Variants in SEMA6D observed in about 807,000 individuals in gnomAD.
SEMA6D encodes semaphorin-6D.
In SEMA6D, 35 loss-of-function variants were observed where a neutral mutation model predicts 106.6. The ratio of observed to expected loss-of-function variants is 0.33; its 90% CI spans 0.25 to 0.44. The LOEUF is 0.44. Among genes scored for constraint, SEMA6D ranks in the 20% least tolerant of loss-of-function variants. SEMA6D has a pLI of 1.00. For missense variants in SEMA6D, 1,185 were observed against 1,345.9 expected, an observed-to-expected ratio of 0.88 and a Z score of 1.87; for synonymous variants, 499 against 487.7, an observed-to-expected ratio of 1.02 and a Z score of -0.31.
chr15:47,547,834 T>C (rs1203366002), intron 3 of SEMA6D, among the ~76,000 whole-genome samples: 2 of 152,132 alleles, frequency 1.3e-5, no homozygotes, highest in African/African-American at 4.8e-5. Context: ...CAAAATGAAG[T>C]CAAGTTGCAG....
At chr15:47,326,720 T>C (rs1298637616) in intron 1 of SEMA6D, among the ~76,000 whole-genome samples, 1 of 152,224 alleles carries the variant, frequency 6.6e-6, no homozygotes, top group Non-Finnish European at 1.5e-5. Context: ...GGCAAGTCAG[T>C]GACTTCCTTA....
At chr15:47,417,669 C>A (rs899184011) in intron 2 of SEMA6D, among the ~76,000 whole-genome samples, 3 of 151,982 alleles carry the variant, frequency 2.0e-5, no homozygotes, top group Non-Finnish European at 4.4e-5. Context: ...TGTCATGGCA[C>A]TACCATGACA....
intron 3 of SEMA6D, among the ~76,000 whole-genome samples, chr15:47,517,184 G>A (rs1167677944): frequency 6.6e-6 from 1 of 152,116 alleles, no homozygotes; most frequent in African/African-American, 2.4e-5. Context: ...TTCCCTGAGA[G>A]GCAGTTGTAT....
intron 4 of SEMA6D, among the ~76,000 whole-genome samples, chr15:47,641,414 T>A (rs750480062): frequency 2.0e-5 from 3 of 152,142 alleles, no homozygotes; most frequent in African/African-American, 4.8e-5. Flanking sequence ...CCTCTCTCTC[T>A]CACACTCTCA....
At chr15:47,259,828 C>G (rs753028873) in intron 1 of SEMA6D, among the ~76,000 whole-genome samples, 6 of 151,876 alleles carry the variant, frequency 4.0e-5, no homozygotes, top group Non-Finnish European at 7.4e-5. Context: ...GATTTTTTGT[C>G]ATTGTCCCAT....
rs141292920 is a variant in SEMA6D, at chr15:47,767,204, G to A, written c.1765+111G>A. On this transcript the variant is annotated intron_variant, in intron 17 of 18. Coordinates refer to ENST00000536845, the MANE Select transcript of SEMA6D (RefSeq NM_001358351.3). ...CAGTTTGGCAGCCCTTCATTTTTCC[G>A]CTTTGACTCATATTCCCACTGATGG... The A allele has an allele frequency of 1.6e-3, 1,061 of 666,012 alleles. 20 individuals are homozygous for A. In the African/African-American group the frequency reaches 0.018, roughly 11 times the overall value. 41.3% of individuals were successfully genotyped at this position (666,012 alleles called of 1,614,324 possible). A position where few individuals can be genotyped will look rare whatever the true frequency, so the allele number is the denominator to read the frequency against.
chr15:47,707,436 A>G (rs1483846211), intron 4 of SEMA6D, among the ~76,000 whole-genome samples: 1 of 152,232 alleles, frequency 6.6e-6, no homozygotes, highest in African/African-American at 2.4e-5. Context: ...ATTTTCTGTA[A>G]AAGTGTCAGG....
At chr15:47,652,355 A>G (rs2077708214) in intron 4 of SEMA6D, among the ~76,000 whole-genome samples, 1 of 152,130 alleles carries the variant, frequency 6.6e-6, no homozygotes, top group South Asian at 2.1e-4. Flanking sequence ...GATCAGTTTT[A>G]CCAACAACAG....
chr15:47,667,692 G>A (rs781623511), intron 4 of SEMA6D, among the ~76,000 whole-genome samples: 5 of 152,268 alleles, frequency 3.3e-5, no homozygotes, highest in Middle Eastern at 3.4e-3. Context: ...CTGTCCTCAC[G>A]TGGCAGGAGG....
chr15:47,416,683 C>T (rs2040979111), intron 2 of SEMA6D, among the ~76,000 whole-genome samples: 1 of 152,062 alleles, frequency 6.6e-6, no homozygotes, highest in Non-Finnish European at 1.5e-5. Flanking sequence ...AAGATATAAT[C>T]AGCAAAGAGA....
At chr15:47,714,588 G>A (rs559629989), upstream of SEMA6D, among the ~76,000 whole-genome samples, 1 of 152,324 alleles carries the variant, frequency 6.6e-6, no homozygotes, top group South Asian at 2.1e-4. Context: ...GATGGGAAAT[G>A]TATGTAGATA....
rs191252345 is a variant in SEMA6D, at chr15:47,575,471, G to T, written c.-86-25394G>T. On this transcript the variant is annotated intron_variant, in intron 3 of 19. Coordinates refer to the SEMA6D transcript ENST00000558014. ...GAAGTCTGTCATGCCTGTAATCCCA[G>T]CACTTTGGGAGGGTGAGGTGGGCAG... 1.1e-4 allele frequency among the ~76,000 whole-genome samples: 16 copies of T among 152,238 alleles called. No homozygotes were observed. In the East Asian group the frequency reaches 2.7e-3, roughly 26 times the overall value.
intron 3 of SEMA6D, among the ~76,000 whole-genome samples, chr15:47,507,925 C>G (rs2044102185): frequency 6.6e-6 from 1 of 152,200 alleles, no homozygotes; most frequent in Non-Finnish European, 1.5e-5. Flanking sequence ...TGGCAAGTGA[C>G]ATGCTTTCTC....
At chr15:47,292,227 G>T (rs1330505351) in intron 1 of SEMA6D, among the ~76,000 whole-genome samples, 1 of 152,150 alleles carries the variant, frequency 6.6e-6, no homozygotes, top group Non-Finnish European at 1.5e-5. Flanking sequence ...GAAACTAAAA[G>T]AGTATAAAAA....
chr15:47,233,650 C>T (rs1241512134), intron 1 of SEMA6D, among the ~76,000 whole-genome samples: 1 of 151,666 alleles, frequency 6.6e-6, no homozygotes, highest in African/African-American at 2.4e-5. Flanking sequence ...TAAGTTTGTT[C>T]CTGGGTATTT....
intron 2 of SEMA6D, among the ~76,000 whole-genome samples, chr15:47,422,761 G>T (rs983178959): frequency 6.6e-6 from 1 of 151,996 alleles, no homozygotes; most frequent in Non-Finnish European, 1.5e-5. Context: ...AGGCATTTTG[G>T]AACCTTTCAG....
chr15:47,623,064 C>G (rs755609987), intron 4 of SEMA6D, among the ~76,000 whole-genome samples: 2 of 152,174 alleles, frequency 1.3e-5, no homozygotes, highest in African/African-American at 4.8e-5. Flanking sequence ...TCTCTTCCCC[C>G]CTCCCTCTCC....
intron 1 of SEMA6D, among the ~76,000 whole-genome samples, chr15:47,733,074 G>A (rs2080227904): frequency 6.6e-6 from 1 of 152,142 alleles, no homozygotes; most frequent in Admixed American, 6.5e-5. Context: ...ATTTTCTCAT[G>A]GTTCCTACTT....
chr15:47,255,713 CTT>C (rs2033771826), intron 1 of SEMA6D, among the ~76,000 whole-genome samples: 1 of 152,046 alleles, frequency 6.6e-6, no homozygotes, highest in Admixed American at 6.6e-5. Flanking sequence ...AATTGTATCA[CTT>C]TTTCTCTTTA....
Sources: gnomAD v4.1 joint callset for allele counts (sites outside exome capture counted in the v4.1 genomes callset) on GRCh38, gnomAD v4.1.1 for gene constraint, MANE v1.5 for transcripts, NCBI Gene and HGNC (gene_info 2026-07-23, HGNC 2026-07-21) for gene names.